ANO3: variants seen among roughly 807,000 people sequenced by gnomAD.
ANO3 encodes the protein anoctamin-3.
In ANO3, 99 loss-of-function variants were observed where a neutral mutation model predicts 144.8. The ratio of observed to expected loss-of-function variants is 0.68; its 90% CI spans 0.58 to 0.81. ANO3 has a LOEUF of 0.81. ANO3 is among the 30% of genes least tolerant of loss of function. The pLI, the probability that ANO3 is intolerant of heterozygous loss-of-function variation, is 0.00. For missense variants in ANO3, 905 were observed against 1,202.2 expected (o/e 0.75, Z 3.66); for synonymous variants, 414 against 392.6 (o/e 1.05, Z -0.64).
intron 1 of ANO3, among the ~76,000 whole-genome samples, chr11:26,234,864 G>T (rs1852480887): frequency 6.6e-6 from 1 of 152,106 alleles, no homozygotes; most frequent in Non-Finnish European, 1.5e-5. Flanking sequence ...AAACAGAAAA[G>T]CTGGCAGTAT....
At chr11:26,615,368 G>A (rs950848041) in intron 17 of ANO3, among the ~76,000 whole-genome samples, 29 of 145,932 alleles carry the variant, frequency 2.0e-4, no homozygotes, top group African/African-American at 5.1e-4. Flanking sequence ...CCTGGCTTTC[G>A]CAATACTGTC....
chr11:26,649,877 A>G (rs1853472262), intron 24 of ANO3, among the ~76,000 whole-genome samples: 1 of 152,174 alleles, frequency 6.6e-6, no homozygotes, highest in Non-Finnish European at 1.5e-5. Context: ...CTTAGTTCAA[A>G]ATAATCTAGA....
intron 1 of ANO3, among the ~76,000 whole-genome samples, chr11:26,438,611 A>AG (rs1425627093): frequency 2.0e-4 from 7 of 35,514 alleles, no homozygotes; most frequent in Non-Finnish European, 4.1e-4. Context: ...AAAAAAAAGA[A>AG]AAAAAAAAAA....
chr11:26,575,831 G>A (rs1423849085), intron 14 of ANO3, among the ~76,000 whole-genome samples: 1 of 152,074 alleles, frequency 6.6e-6, no homozygotes, highest in Non-Finnish European at 1.5e-5. Flanking sequence ...GTATTTTTCT[G>A]TATTATTTAG....
intron 14 of ANO3, among the ~76,000 whole-genome samples, chr11:26,564,770 TA>T (rs1850493316): frequency 9.6e-6 from 1 of 104,484 alleles, no homozygotes. Flanking sequence ...TATATATATA[TA>T]TATATATATA....
At chr11:26,383,855 G>A (rs1856649205) in intron 1 of ANO3, among the ~76,000 whole-genome samples, 1 of 144,072 alleles carries the variant, frequency 6.9e-6, no homozygotes, top group African/African-American at 2.6e-5. Flanking sequence ...CACATACTTT[G>A]TGCCACGCAT....
chr11:26,561,218 T>C (rs1026679718), intron 14 of ANO3: 1 of 1,602,058 alleles, frequency 6.2e-7, no homozygotes, highest in South Asian at 1.1e-5. Flanking sequence ...CATTGTCTAA[T>C]CGCAGAACTA....
At chr11:26,213,249 C>T (rs189967521) in intron 1 of ANO3, among the ~76,000 whole-genome samples, 1 of 152,216 alleles carries the variant, frequency 6.6e-6, no homozygotes, top group East Asian at 1.9e-4. Flanking sequence ...TTCTCCACTC[C>T]TATTCAACAT....
chr11:26,583,350 C>T (rs1289350715), intron 14 of ANO3, among the ~76,000 whole-genome samples: 1 of 152,062 alleles, frequency 6.6e-6, no homozygotes, highest in African/African-American at 2.4e-5. Flanking sequence ...TCTTATTTAA[C>T]GTTTTTAGAG....
chr11:26,565,189 G>T, intron 14 of ANO3: 1 of 1,505,958 alleles, frequency 6.6e-7, no homozygotes, highest in Non-Finnish European at 8.9e-7. Flanking sequence ...GACGTATTTG[G>T]AAAGAGTTTT....
At chr11:26,630,371 T>A (rs1204462385) in intron 18 of ANO3, among the ~76,000 whole-genome samples, 1 of 152,246 alleles carries the variant, frequency 6.6e-6, no homozygotes, top group African/African-American at 2.4e-5. Context: ...TGGCTTCGCA[T>A]AGAAGAGTCA....
chr11:26,329,815 T>TTC (rs1854991016), upstream of ANO3, among the ~76,000 whole-genome samples: 1 of 125,420 alleles, frequency 8.0e-6, no homozygotes, highest in African/African-American at 2.7e-5. Flanking sequence ...GACTTAAATT[T>TTC]TTTTTTTTTT....
intron 14 of ANO3, among the ~76,000 whole-genome samples, chr11:26,587,985 A>C (rs1279250814): frequency 2.0e-5 from 3 of 151,600 alleles, no homozygotes; most frequent in Admixed American, 6.6e-5. Flanking sequence ...GAAAGCAAAG[A>C]GGGTTTTCAT....
rs1851713688 is a variant in ANO3 at position 26,598,838 on chromosome 11, A to G, written c.1531-20A>G. On this transcript the variant is annotated intron_variant, in intron 15 of 26. Transcript: ENST00000256737. ...TAGTTTATGGCTTTGATATTTAGAT[A>G]ACTTTCGTTTCTCTCATAGGAAACA... 1 of 1,604,318 alleles carries G rather than the reference A, an allele frequency of 6.2e-7. No individual in the cohort carries two copies. Among genetic ancestry groups the G allele is most frequent in the African/African-American group, 1.3e-5 (1 of 74,386 alleles).
intron 1 of ANO3, among the ~76,000 whole-genome samples, chr11:26,264,112 G>A (rs1048754002): frequency 7.2e-5 from 11 of 152,160 alleles, no homozygotes; most frequent in Non-Finnish European, 1.5e-5. Context: ...GGGCCCATGT[G>A]GGCTGAAGTG....
intron 1 of ANO3, among the ~76,000 whole-genome samples, chr11:26,356,141 T>C (rs1855777425): frequency 6.6e-6 from 1 of 152,168 alleles, no homozygotes; most frequent in Non-Finnish European, 1.5e-5. Flanking sequence ...TTTATTCCAC[T>C]CATCTATATA....
intron 6 of ANO3, among the ~76,000 whole-genome samples, chr11:26,520,372 A>G (rs1307564556): frequency 6.6e-6 from 1 of 152,158 alleles, no homozygotes; most frequent in African/African-American, 2.4e-5. Flanking sequence ...GGAAAAAATG[A>G]AAAAGGGGGG....
chr11:26,527,023 A>G (rs1849180333), intron 7 of ANO3, among the ~76,000 whole-genome samples: 1 of 146,382 alleles, frequency 6.8e-6, no homozygotes, highest in Non-Finnish European at 1.5e-5. Flanking sequence ...GTTTGCTACT[A>G]TAGAATTAGT....
chr11:26,589,455 A>G (rs1371436837), intron 14 of ANO3, among the ~76,000 whole-genome samples: 1 of 149,892 alleles, frequency 6.7e-6, no homozygotes, highest in Non-Finnish European at 1.5e-5. Flanking sequence ...TTATTGGAAT[A>G]TAATTTGCAC....
Sources: allele counts gnomAD v4.1 joint callset (sites outside exome capture counted in the v4.1 genomes callset), GRCh38; gene constraint gnomAD v4.1.1; transcripts MANE v1.5; gene names NCBI Gene and HGNC (gene_info 2026-07-23, HGNC 2026-07-21).